TEX15: variants seen among roughly 807,000 people sequenced by gnomAD.
TEX15 encodes the protein testis expressed 15, meiosis and synapsis associated.
TEX15 carries 171 observed loss-of-function variants against 237.3 expected under a neutral mutation model. That is an observed-to-expected ratio of 0.72 (90% CI 0.64 to 0.82). The LOEUF is 0.82. TEX15 is among the 40% of genes least tolerant of loss of function. The pLI, the probability that TEX15 is intolerant of heterozygous loss-of-function variation, is 0.00. For synonymous variants in TEX15, 1,338 were observed against 1,269.8 expected (o/e 1.05, Z -1.14); for missense variants, 3,750 against 3,646.5 (o/e 1.03, Z -0.73).
intron 1 of TEX15, among the ~76,000 whole-genome samples, 177 bp downstream of exon 1, chr8:30,912,702 T>C (rs1809257799): frequency 6.6e-6 from 1 of 152,188 alleles, no homozygotes. Context: ...CAATGATAAT[T>C]AACATTTTTA....
In TEX15 at chr8:30,847,789, T is replaced by C. The variant is rs1360238039; in HGVS notation, c.2378A>G (p.Asp793Gly). The change falls in exon 8 of 11, where the codon GAC becomes GGC. Residue 793 changes from aspartate (D) to glycine (G), a missense_variant. Transcript: ENST00000643185. Reference protein sequence around the residue: ...ISSYNIETAHDSSNCSITREH... With the variant: ...ISSYNIETAHGSSNCSITREH... Reference sequence around the variant, plus strand: ...TCTAGTTATGCTGCAATTTGAACTGTCATGAGCTGTTTCTATGTTATAAGA... The same window carrying C: ...TCTAGTTATGCTGCAATTTGAACTGCCATGAGCTGTTTCTATGTTATAAGA... The C allele has an allele frequency of 6.2e-7, 1 of 1,613,752 alleles. No individual in the cohort carries two copies. The highest frequency in any genetic ancestry group is 8.5e-7 in the Non-Finnish European group (1 of 1,179,962).
Position 30,879,823 on chromosome 8 carries a change from AG to A in TEX15, c.137-4722del, listed in dbSNP as rs1808480005. Reference sequence around the variant, plus strand: ...ATGAACATCTTAGCGGGATTTTGATAGGAACTGCAATAAACCTTCAGATAAA... The same window carrying A: ...ATGAACATCTTAGCGGGATTTTGATAGAACTGCAATAAACCTTCAGATAAA... On this transcript the variant is annotated intron_variant, in intron 3 of 10. Transcript: ENST00000643185. Among the ~76,000 whole-genome samples, 12 of 152,308 alleles carry A rather than the reference AG, an allele frequency of 7.9e-5. No individual in the cohort carries two copies. In the South Asian group the frequency reaches 2.3e-3, roughly 29 times the overall value.
At chr8:30,910,231 G>A (rs1809190554) in intron 1 of TEX15, among the ~76,000 whole-genome samples, 1 of 151,502 alleles carries the variant, frequency 6.6e-6, no homozygotes, top group South Asian at 2.1e-4. Flanking sequence ...GGGAGAAAAA[G>A]TGACCTTCGG....
chr8:30,860,139 C>T, intron 5 of TEX15, 82 bp from the exon 6 acceptor site: 1 of 1,204,718 alleles, frequency 8.3e-7, no homozygotes, highest in South Asian at 1.8e-5. Flanking sequence ...ACATAAAAGG[C>T]TAACATTGCT....
rs556474251 is a variant in TEX15, at chr8:30,856,495, G to A, written c.850+2173C>T. 5.9e-5 allele frequency among the ~76,000 whole-genome samples: 9 copies of A among 152,012 alleles called. No homozygotes were observed. The South Asian group carries it at 1.2e-3, about 21-fold the overall frequency. ...CTTGAGCTTGGGAGGCGGAGGCTGCGGTGAGCCAAGTTGTGCCACAGCATT... is the reference window on the plus strand; with the variant it reads ...CTTGAGCTTGGGAGGCGGAGGCTGCAGTGAGCCAAGTTGTGCCACAGCATT... On this transcript the variant is annotated intron_variant, in intron 7 of 10. Coordinates refer to ENST00000643185, the MANE Select transcript of TEX15 (RefSeq NM_001350162.2).
chr8:30,904,194 C>T lies in TEX15; in HGVS notation c.-85-5377G>A, dbSNP rs147208143. On this transcript the variant is annotated intron_variant, in intron 1 of 10. Transcript: ENST00000643185. ...GGGCTCAGTGGCTCACGCCTGTAAT[C>T]CCACCACTTTGGGAGGCTCAGGTGG... 8.0e-3 allele frequency among the ~76,000 whole-genome samples: 1,218 copies of T among 152,270 alleles called. 16 individuals carry two copies. Among genetic ancestry groups the T allele is most frequent in the African/African-American group, 0.027 (1,142 of 41,554 alleles).
At chr8:30,856,281 C>T (rs547245288) in intron 7 of TEX15, among the ~76,000 whole-genome samples, 29 of 150,730 alleles carry the variant, frequency 1.9e-4, no homozygotes, top group African/African-American at 6.5e-4. Flanking sequence ...CGGCAGGGTT[C>T]GGTGGCTCAC....
intron 5 of TEX15, among the ~76,000 whole-genome samples, chr8:30,862,801 T>C (rs1349637950): frequency 2.0e-5 from 3 of 152,222 alleles, no homozygotes; most frequent in Non-Finnish European, 4.4e-5. Context: ...TTTATGTTTA[T>C]TTCTCCAAGA....
At chr8:30,839,854 T>A in intron 9 of TEX15, 52 bp downstream of exon 9, 1 of 1,198,652 alleles carries the variant, frequency 8.3e-7, no homozygotes, top group Non-Finnish European at 1.2e-6. Flanking sequence ...GTTTAGTATT[T>A]GCCCAATTTT....
In TEX15 at chr8:30,839,886, G is replaced by T. The variant is rs779338396; in HGVS notation, c.8222+20C>A. 1.9e-6 allele frequency: 3 copies of T among 1,578,026 alleles called. No individual in the cohort carries two copies. The highest frequency in any genetic ancestry group is 2.6e-6 in the Non-Finnish European group (3 of 1,162,832). On this transcript the variant is annotated intron_variant, in intron 9 of 10. Coordinates refer to ENST00000643185, the MANE Select transcript of TEX15 (RefSeq NM_001350162.2). ...TTTTGTTCAATTTTTTTTCCACATA[G>T]GGCTGATGGGAACTCCTACCTTGGA...
chr8:30,863,814 A>G (rs1808101331), intron 5 of TEX15, among the ~76,000 whole-genome samples: 1 of 152,174 alleles, frequency 6.6e-6, no homozygotes, highest in Non-Finnish European at 1.5e-5. Context: ...GCCTACAACA[A>G]TCAAAAAACA....
intron 3 of TEX15, among the ~76,000 whole-genome samples, chr8:30,876,597 C>T (rs1280424887): frequency 6.6e-6 from 1 of 152,124 alleles, no homozygotes; most frequent in Non-Finnish European, 1.5e-5. Context: ...TTTCTTCCTC[C>T]TCTCCCTGGA....
intron 5 of TEX15, among the ~76,000 whole-genome samples, chr8:30,866,720 C>T (rs1448360268): frequency 1.4e-5 from 2 of 147,958 alleles, no homozygotes; most frequent in African/African-American, 5.1e-5. Context: ...GGCTTTGACA[C>T]ACACATACAC....
chr8:30,864,069 T>C (rs781676971), intron 5 of TEX15, among the ~76,000 whole-genome samples: 31 of 151,934 alleles, frequency 2.0e-4, no homozygotes, highest in Non-Finnish European at 4.1e-4. Context: ...TATGTGGAGA[T>C]AGTAAAAAAA....
chr8:30,846,799 T>C lies in TEX15; in HGVS notation c.3368A>G (p.Glu1123Gly), dbSNP rs148461650. 13 of 1,613,928 alleles carry C rather than the reference T, an allele frequency of 8.1e-6. No individual in the cohort carries two copies. The African/African-American group carries it at 1.2e-4, about 15-fold the overall frequency. Reference sequence around the variant, plus strand: ...CTTAGAATAATGCTGATCACTATTCTCCCTTCCTGTGGTGCTTTCCAAAAC... The same window carrying C: ...CTTAGAATAATGCTGATCACTATTCCCCCTTCCTGTGGTGCTTTCCAAAAC... ...MEVLESTTGR[E>G]NSDQHYSKES... is the part of the protein sequence containing the mutation. Residue 1123 changes from glutamate (E) to glycine (G), a missense_variant, in exon 8 of 11, where the codon GAG becomes GGG. By Grantham distance (98) the Glu-to-Gly change is moderately conservative (BLOSUM62 -2). Coordinates refer to ENST00000643185, the MANE Select transcript of TEX15 (RefSeq NM_001350162.2).
chr8:30,864,618 GAAA>G (rs200930589), intron 5 of TEX15, among the ~76,000 whole-genome samples: 31 of 81,424 alleles, frequency 3.8e-4, no homozygotes, highest in African/African-American at 8.8e-4. Context: ...TCCCAGACCA[GAAA>G]AAAAAAAAAA....
At chr8:30,839,860 A>G in intron 9 of TEX15, 46 bp downstream of exon 9, 1 of 1,382,930 alleles carries the variant, frequency 7.2e-7, no homozygotes, top group Non-Finnish European at 1.0e-6. Context: ...TATTTGCCCA[A>G]TTTTGTTCAA....
intron 3 of TEX15, among the ~76,000 whole-genome samples, chr8:30,881,610 CTTTTTATTTTTTTTTATTA>C (rs1808524170): frequency 9.1e-6 from 1 of 109,426 alleles, no homozygotes; most frequent in Admixed American, 9.2e-5. Context: ...TCCATCTTGA[CTTTTTATTTTTTTTTATTA>C]TTTTTTTTTT....
At chr8:30,855,608 C>A (rs1034509420) in intron 7 of TEX15, among the ~76,000 whole-genome samples, 5 of 152,086 alleles carry the variant, frequency 3.3e-5, no homozygotes, top group African/African-American at 4.8e-5. Context: ...TACTCAAGAG[C>A]AATGAAAACA....
Sources: gnomAD v4.1 joint callset for allele counts (sites outside exome capture counted in the v4.1 genomes callset) on GRCh38, gnomAD v4.1.1 for gene constraint, MANE v1.5 for transcripts, NCBI Gene and HGNC (gene_info 2026-07-23, HGNC 2026-07-21) for gene names.